The following JUP variants were observed in gnomAD, a reference collection of about 807,000 sequenced individuals.
The protein encoded by JUP is junction plakoglobin.
Under a neutral mutation model 71.1 loss-of-function variants are expected in JUP, and 28 were observed. The ratio of observed to expected loss-of-function variants is 0.39; its 90% CI spans 0.29 to 0.54. The LOEUF (loss-of-function observed/expected upper bound fraction) is 0.54, where lower values mean the gene tolerates loss of function less well. Ranked by LOEUF, JUP falls within the 20% of genes least tolerant of loss-of-function variation. The probability of loss-of-function intolerance (pLI) is 0.62; values close to 1 mark genes in which losing one functional copy is unlikely to be tolerated. For synonymous variants in JUP, 401 were observed against 438.9 expected, an observed-to-expected ratio of 0.91 and a Z score of 1.08; for missense variants, 869 against 1,030.1, an observed-to-expected ratio of 0.84 and a Z score of 2.14.
chr17:41,764,675 C>T, intron 7 of JUP, 38 bp downstream of exon 7: 1 of 1,557,588 alleles, frequency 6.4e-7, no homozygotes, highest in Non-Finnish European at 8.8e-7. Context: ...GATGGGGCAG[C>T]TGAAGAGGTC....
intron 4 of JUP, among the ~76,000 whole-genome samples, chr17:41,768,264 T>C (rs1204118156): frequency 6.6e-6 from 1 of 152,078 alleles, no homozygotes; most frequent in Non-Finnish European, 1.5e-5. Context: ...CCAGGCATGG[T>C]CGTGGGTGCC....
chr17:41,777,767 C>T (rs76230895), intron 1 of JUP, among the ~76,000 whole-genome samples: 2 of 152,220 alleles, frequency 1.3e-5, no homozygotes, highest in African/African-American at 2.4e-5. Context: ...CTTCTGGGCT[C>T]CTTCCCAAAG....
rs1567815863 is a variant in JUP at position 41,767,404 on chromosome 17, A to G, written c.884T>C (p.Leu295Pro). The change falls in exon 5 of 14, where the codon CTG becomes CCG. Residue 295 changes from leucine to proline, a missense_variant. Leu to Pro is a moderately conservative substitution (Grantham distance 98). Transcript: ENST00000393931. ...CTTGCTCTCCTGGTTGCCGTAGGCC[A>G]GGAGCTGCAGGCAGTCGGTGGTGAT... ...LAITTDCLQL[L>P]AYGNQESKLI... 18 of 1,614,080 alleles carry G rather than the reference A, an allele frequency of 1.1e-5. No homozygotes were observed. The highest frequency in any genetic ancestry group is 1.4e-5 in the Non-Finnish European group (17 of 1,180,054).
chr17:41,756,286 G>T, intron 12 of JUP, 72 bp from the exon 13 acceptor site: 2 of 1,476,650 alleles, frequency 1.4e-6, no homozygotes, highest in Non-Finnish European at 1.9e-6. Flanking sequence ...CAGCTGGTGG[G>T]CAGGGAGAGA....
At chr17:41,771,972 G>A (rs1353838931) in intron 1 of JUP, 110 bp from the exon 2 acceptor site, 2 of 967,176 alleles carry the variant, frequency 2.1e-6, no homozygotes, top group Middle Eastern at 2.3e-4. Flanking sequence ...CCATGGCCCA[G>A]GGATTTCAAT....
In JUP at chr17:41,764,771, C is replaced by T. The variant is rs782067441; in HGVS notation, c.1100G>A (p.Arg367His). Residue 367 changes from arginine to histidine, a missense_variant, in exon 7 of 14, where the codon CGC becomes CAC. Transcript: ENST00000393931. ...LGKHLTSNSP[R>H]LVQNCLWTLR... ...GGTCCACAGGCAGTTCTGCACCAGG[C>T]GGGGGCTGTTGCTGGTCAGGTGCTT... 4 of 1,613,606 alleles carry T rather than the reference C, an allele frequency of 2.5e-6. No homozygotes were observed. The highest frequency in any genetic ancestry group is 1.1e-5 in the South Asian group (1 of 91,050).
chr17:41,766,344 G>A (rs1915708860), intron 5 of JUP, among the ~76,000 whole-genome samples: 1 of 152,020 alleles, frequency 6.6e-6, no homozygotes, highest in African/African-American at 2.4e-5. Flanking sequence ...AAGGAAAGGG[G>A]AGGGGGAAAG....
Position 41,762,541 on chromosome 17 carries a change from G to A in JUP, c.1497+442C>T, listed in dbSNP as rs373944986. Among the ~76,000 whole-genome samples, 5 of 151,984 alleles carry A rather than the reference G, an allele frequency of 3.3e-5. No individual in the cohort carries two copies. The East Asian group carries it at 7.7e-4, about 23-fold the overall frequency. ...CTCCCCAGTAGCTGGGACCACAGGCGTGCACCACCACACCTGGCTAATTTC... is the reference window on the plus strand; with the variant it reads ...CTCCCCAGTAGCTGGGACCACAGGCATGCACCACCACACCTGGCTAATTTC... On this transcript the variant is annotated intron_variant, in intron 8 of 13. Coordinates refer to ENST00000393931, the MANE Select transcript of JUP (RefSeq NM_002230.4).
At chr17:41,773,406 A>G (rs1421773802) in intron 1 of JUP, among the ~76,000 whole-genome samples, 1 of 152,250 alleles carries the variant, frequency 6.6e-6, no homozygotes, top group African/African-American at 2.4e-5. Context: ...GGCAGGGGCC[A>G]GGCCAGCTCC....
chr17:41,770,050 G>A lies in JUP; in HGVS notation c.209-373C>T, dbSNP rs186085288. 1.1e-4 allele frequency among the ~76,000 whole-genome samples: 17 copies of A among 152,134 alleles called. No individual in the cohort carries two copies. The East Asian group carries it at 3.1e-3, about 28-fold the overall frequency. On this transcript the variant is annotated intron_variant, in intron 2 of 13. Transcript: ENST00000393931. ...TTTACAGATGGGAAAACTGGGCACA[G>A]AGGGGTTATAAGGCAGCCTGACTCA...
chr17:41,762,435 G>A (rs1157081138), intron 8 of JUP, among the ~76,000 whole-genome samples: 1 of 151,972 alleles, frequency 6.6e-6, no homozygotes, highest in Admixed American at 6.6e-5. Context: ...CTGTCACCCA[G>A]GCTGGAGTGC....
At chr17:41,774,814 G>A (rs529066656) in intron 1 of JUP, among the ~76,000 whole-genome samples, 5 of 152,176 alleles carry the variant, frequency 3.3e-5, no homozygotes, top group African/African-American at 9.6e-5. Flanking sequence ...CAAATCAAGT[G>A]TCCCAGGTTC....
chr17:41,767,069 G>A (rs564800324), intron 5 of JUP, among the ~76,000 whole-genome samples: 187 of 151,502 alleles, frequency 1.2e-3, no homozygotes, highest in Middle Eastern at 3.4e-3. Flanking sequence ...AAAAAATCAG[G>A]CAGAAAACAG....
In JUP at chr17:41,755,153, C is replaced by A. The variant is rs1356035649; in HGVS notation, c.*591G>T. 7 of 397,848 alleles carry A rather than the reference C, an allele frequency of 1.8e-5. No individual in the cohort carries two copies. Among genetic ancestry groups the A allele is most frequent in the African/African-American group, 1.0e-4 (5 of 48,598 alleles). The allele number at this position is 397,848 out of a possible 1,614,324, so 24.6% of individuals were successfully genotyped here. A position where few individuals can be genotyped will look rare whatever the true frequency, so the allele number is the denominator to read the frequency against. On this transcript the variant is annotated 3_prime_UTR_variant, in exon 14 of 14. Transcript: ENST00000393931. ...GCCCAGGCAGCTGGAGACAGGGAGG[C>A]TGGAGGTTTGGAGGGGCGTTGCTGG...
At chr17:41,769,241 A>T in intron 3 of JUP, 34 bp from the exon 4 acceptor site, 1 of 1,589,890 alleles carries the variant, frequency 6.3e-7, no homozygotes, top group African/African-American at 1.3e-5. Context: ...GGACGTGAGC[A>T]CTAAGGAGAG....
chr17:41,786,215 T>G (rs979469047), intron 1 of JUP: 4 of 152,058 alleles, frequency 2.6e-5, no homozygotes, highest in Admixed American at 6.5e-5. Context: ...GGTAAATTCC[T>G]GACTGCAGCG....
chr17:41,770,822 G>A (rs918081592), intron 2 of JUP, among the ~76,000 whole-genome samples: 10 of 152,316 alleles, frequency 6.6e-5, no homozygotes, highest in African/African-American at 2.2e-4. Flanking sequence ...CAGGTCAGCC[G>A]CAGAGGCCTG....
intron 1 of JUP, chr17:41,786,121 T>G (rs1597880511): frequency 6.7e-6 from 1 of 148,238 alleles, no homozygotes; most frequent in Non-Finnish European, 1.5e-5. Context: ...CCTGGGGGAG[T>G]AGGGAGGGAG....
At chr17:41,769,905 G>A (rs1916379778) in intron 2 of JUP, among the ~76,000 whole-genome samples, 2 of 85,576 alleles carry the variant, frequency 2.3e-5, no homozygotes, top group South Asian at 4.2e-4. Flanking sequence ...TCCATCAAGG[G>A]AATTTTTTTT....
Sources: allele counts gnomAD v4.1 joint callset (sites outside exome capture counted in the v4.1 genomes callset), GRCh38; gene constraint gnomAD v4.1.1; transcripts MANE v1.5; gene names NCBI Gene and HGNC (gene_info 2026-07-23, HGNC 2026-07-21).